The following WDFY2 variants were observed in gnomAD, a reference collection of about 807,000 sequenced individuals.
The protein encoded by WDFY2 is WD repeat and FYVE domain containing 2.
In WDFY2, 36 loss-of-function variants were observed where a neutral mutation model predicts 56.4. The ratio of observed to expected loss-of-function variants is 0.64; its 90% CI spans 0.49 to 0.84. WDFY2 has a LOEUF of 0.84. WDFY2 is among the 40% of genes least tolerant of loss of function. The pLI, the probability that WDFY2 is intolerant of heterozygous loss-of-function variation, is 0.00. For missense variants in WDFY2, 444 were observed against 512.2 expected, an observed-to-expected ratio of 0.87 and a Z score of 1.29; for synonymous variants, 176 against 183.7, an observed-to-expected ratio of 0.96 and a Z score of 0.34.
intron 5 of WDFY2, among the ~76,000 whole-genome samples, chr13:51,726,537 G>A (rs565822860): frequency 6.6e-6 from 1 of 152,256 alleles, no homozygotes; most frequent in South Asian, 2.1e-4. Context: ...TACTGGTCAC[G>A]TAGGCAGATC....
chr13:51,598,509 C>T (rs566069693), intron 1 of WDFY2: 2 of 152,318 alleles, frequency 1.3e-5, no homozygotes, highest in South Asian at 4.1e-4. Context: ...GGGCATGCAA[C>T]AAGGATCTTT....
At chr13:51,592,847 C>T (rs1057445450) in intron 1 of WDFY2, among the ~76,000 whole-genome samples, 3 of 152,098 alleles carry the variant, frequency 2.0e-5, no homozygotes, top group South Asian at 2.1e-4. Context: ...ATAGGCCAGG[C>T]GTGGTGATTC....
At chr13:51,718,598 A>G (rs1952417747) in intron 4 of WDFY2, among the ~76,000 whole-genome samples, 1 of 151,156 alleles carries the variant, frequency 6.6e-6, no homozygotes, top group South Asian at 2.1e-4. Context: ...ACACACACAC[A>G]CACACTGTAA....
At chr13:51,638,755 G>A (rs147417239) in intron 1 of WDFY2, among the ~76,000 whole-genome samples, 1 of 152,214 alleles carries the variant, frequency 6.6e-6, no homozygotes, top group East Asian at 1.9e-4. Flanking sequence ...TTTTATTTTT[G>A]CAGGGCTTAA....
intron 3 of WDFY2, among the ~76,000 whole-genome samples, chr13:51,685,064 G>A (rs1956039200): frequency 6.6e-6 from 1 of 152,104 alleles, no homozygotes; most frequent in African/African-American, 2.4e-5. Flanking sequence ...CCATGGCTGT[G>A]TACATGCAGT....
At chr13:51,698,163 G>T (rs956844174) in intron 3 of WDFY2, among the ~76,000 whole-genome samples, 2 of 152,194 alleles carry the variant, frequency 1.3e-5, no homozygotes, top group African/African-American at 4.8e-5. Context: ...AAGCTCTTAA[G>T]CACCGTGCTT....
At chr13:51,661,458 T>A (rs1955611505) in intron 2 of WDFY2, among the ~76,000 whole-genome samples, 1 of 152,098 alleles carries the variant, frequency 6.6e-6, no homozygotes, top group East Asian at 1.9e-4. Context: ...TGTAGAAAAA[T>A]CCCCCAGGTT....
At chr13:51,731,135 C>T (rs1234558171) in intron 6 of WDFY2, among the ~76,000 whole-genome samples, 1 of 152,184 alleles carries the variant, frequency 6.6e-6, no homozygotes, top group Admixed American at 6.5e-5. Flanking sequence ...GAGGTGCATT[C>T]CGCAGGCCTG....
chr13:51,651,328 G>A (rs1265084860), intron 1 of WDFY2, among the ~76,000 whole-genome samples: 1 of 152,082 alleles, frequency 6.6e-6, no homozygotes, highest in Non-Finnish European at 1.5e-5. Flanking sequence ...AGTCTTGCTA[G>A]TGGTCTATCA....
intron 1 of WDFY2, among the ~76,000 whole-genome samples, chr13:51,606,580 A>G (rs1158842602): frequency 6.6e-6 from 1 of 152,182 alleles, no homozygotes; most frequent in African/African-American, 2.4e-5. Flanking sequence ...ATTAACAAAT[A>G]TATTTTGTTC....
intron 2 of WDFY2, 145 bp downstream of exon 2, chr13:51,660,808 A>G (rs1955598406): frequency 1.5e-6 from 1 of 668,570 alleles, no homozygotes; most frequent in Non-Finnish European, 2.5e-6. Flanking sequence ...TAGATTTTCT[A>G]AGGCTTTCAC....
intron 2 of WDFY2, 31 bp downstream of exon 2, chr13:51,660,694 C>T: frequency 6.3e-7 from 1 of 1,597,620 alleles, no homozygotes; most frequent in Non-Finnish European, 8.6e-7. Flanking sequence ...CTTGAAAAAC[C>T]AGACATGTCC....
In WDFY2 at chr13:51,650,743, C is replaced by G. The variant is rs142768668; in HGVS notation, c.138-9853C>G. Among the ~76,000 whole-genome samples the G allele has an allele frequency of 4.9e-3, 751 of 152,282 alleles. 5 individuals carry two copies. The highest frequency in any genetic ancestry group is 0.014 in the African/African-American group (589 of 41,556). ...ATTGATTTGCGTATGTTGAACCAGC[C>G]TTGCATCCCAGGGATGAAGCCCACT... On this transcript the variant is annotated intron_variant, in intron 1 of 11. Transcript: ENST00000298125.
intron 3 of WDFY2, among the ~76,000 whole-genome samples, chr13:51,692,126 A>T (rs1956173388): frequency 6.6e-6 from 1 of 152,352 alleles, no homozygotes; most frequent in East Asian, 1.9e-4. Flanking sequence ...ATATACAATC[A>T]TGTCATCTGC....
At chr13:51,625,039 A>G (rs1954814244) in intron 1 of WDFY2, among the ~76,000 whole-genome samples, 1 of 152,012 alleles carries the variant, frequency 6.6e-6, no homozygotes, top group Non-Finnish European at 1.5e-5. Flanking sequence ...TTGGGATTTC[A>G]CTCATTTTGG....
At chr13:51,596,296 G>A (rs1055612188) in intron 1 of WDFY2, among the ~76,000 whole-genome samples, 10 of 152,284 alleles carry the variant, frequency 6.6e-5, no homozygotes, top group African/African-American at 2.4e-4. Flanking sequence ...TGCATAGTTA[G>A]CTGAATTGGC....
At chr13:51,727,914 CAT>C (rs1952640111) in intron 6 of WDFY2, 124 bp downstream of exon 6, 2 of 808,816 alleles carry the variant, frequency 2.5e-6, no homozygotes, top group Admixed American at 2.8e-5. Flanking sequence ...CAAAGATACA[CAT>C]GATATGCTTA....
intron 1 of WDFY2, among the ~76,000 whole-genome samples, chr13:51,602,595 C>A (rs965662207): frequency 9.9e-5 from 15 of 152,184 alleles, no homozygotes; most frequent in African/African-American, 3.6e-4. Context: ...GTGGTTGCCC[C>A]ATGGTTGAAG....
Position 51,713,976 on chromosome 13 carries a change from C to T in WDFY2, c.335-5222C>T, listed in dbSNP as rs138552859. ...CAAGGCCCAGGAGAGGGGGAAATGG[C>T]GAGTTAGTGGGTAAAGAGTTTCAGT... is the stretch of plus-strand genomic sequence containing the variant. On this transcript the variant is annotated intron_variant, in intron 4 of 11. Transcript: ENST00000298125. 4.6e-3 allele frequency among the ~76,000 whole-genome samples: 702 copies of T among 151,028 alleles called. 7 individuals are homozygous for T. Among genetic ancestry groups the T allele is most frequent in the African/African-American group, 0.016 (657 of 41,128 alleles).
Sources: allele counts gnomAD v4.1 joint callset (sites outside exome capture counted in the v4.1 genomes callset), GRCh38; gene constraint gnomAD v4.1.1; transcripts MANE v1.5; gene names NCBI Gene and HGNC (gene_info 2026-07-23, HGNC 2026-07-21).